Variants in ARHGAP11A observed in about 807,000 individuals in gnomAD.
ARHGAP11A encodes Rho GTPase activating protein 11A.
In ARHGAP11A, 36 loss-of-function variants were observed where a neutral mutation model predicts 60.5. The observed-to-expected ratio is 0.59, with a 90% CI of 0.46 to 0.79. ARHGAP11A has a LOEUF of 0.79. Among genes scored for constraint, ARHGAP11A ranks in the 30% least tolerant of loss-of-function variants. The pLI, the probability that ARHGAP11A is intolerant of heterozygous loss-of-function variation, is 0.00. For synonymous variants in ARHGAP11A, 362 were observed against 415.5 expected, an observed-to-expected ratio of 0.87 and a Z score of 1.57; for missense variants, 1,071 against 1,199.2, an observed-to-expected ratio of 0.89 and a Z score of 1.58.
Position 32,636,558 on chromosome 15 carries a change from T to G in ARHGAP11A, c.1785T>G (p.Thr595=). ...ATGAAAATAACATGACCAAAGAGAC[T>G]TTGGTGAAAGTTCAAAAAGCGTTTT... The part of the protein sequence containing the change: ...SGDENNMTKE[T]LVKVQKAFSE... The change falls in exon 12 of 12, where the codon ACT becomes ACG. Residue 595 remains threonine, a synonymous_variant. Transcript: ENST00000361627. The G allele has an allele frequency of 1.2e-6, 2 of 1,614,052 alleles. No individual in the cohort carries two copies. Among genetic ancestry groups the G allele is most frequent in the Non-Finnish European group, 1.7e-6 (2 of 1,179,960 alleles).
rs554847295 is a variant in ARHGAP11A, at chr15:32,638,384, C to T, written c.*539C>T. The T allele has an allele frequency of 6.6e-6, 1 of 152,316 alleles. No individual in the cohort carries two copies. Among genetic ancestry groups the T allele is most frequent in the African/African-American group, 2.4e-5 (1 of 41,550 alleles). The allele number at this position is 152,316 out of a possible 1,614,324, so 9.4% of individuals were successfully genotyped here. A position where few individuals can be genotyped will look rare whatever the true frequency, so the allele number is the denominator to read the frequency against. The stretch of plus-strand genomic sequence containing the variant: ...CCACGCCCGGCTAGACTTTACCTTT[C>T]TAAAGAAATTGTTTACTGGATTTAT... On this transcript the variant is annotated 3_prime_UTR_variant, in exon 12 of 12. Coordinates refer to ENST00000361627, the MANE Select transcript of ARHGAP11A (RefSeq NM_014783.6).
chr15:32,632,872 G>T, intron 8 of ARHGAP11A, 107 bp from the exon 9 acceptor site: 3 of 1,052,056 alleles, frequency 2.9e-6, no homozygotes, highest in Non-Finnish European at 4.0e-6. Flanking sequence ...TTCGGTTGTT[G>T]CTTGGGATAG....
rs376208322 is a variant in ARHGAP11A at position 32,629,941 on chromosome 15, AGTGTGT to A, written c.1105+208_1105+213del. The stretch of plus-strand genomic sequence containing the variant: ...TTTAAAATAGACACTGTTTCAATAT[AGTGTGT>A]GTGTGTGTGTGTGTGTGTGTGTGTG... On this transcript the variant is annotated intron_variant, in intron 8 of 11. Coordinates refer to ENST00000361627, the MANE Select transcript of ARHGAP11A (RefSeq NM_014783.6). 9.9e-4 allele frequency among the ~76,000 whole-genome samples: 101 copies of A among 101,714 alleles called. 3 individuals carry two copies. The highest frequency in any genetic ancestry group is 3.5e-3 in the African/African-American group (79 of 22,332). 66.7% of individuals were successfully genotyped at this position (101,714 alleles called of 152,430 possible).
At chr15:32,634,944 T>G (rs2053671609) in intron 10 of ARHGAP11A, among the ~76,000 whole-genome samples, 1 of 152,252 alleles carries the variant, frequency 6.6e-6, no homozygotes, top group African/African-American at 2.4e-5. Context: ...TCTAGTAAAC[T>G]CCTGTTAATA....
At chr15:32,629,858 G>C (rs2053550254) in intron 8 of ARHGAP11A, 96 bp downstream of exon 8, 1 of 776,328 alleles carries the variant, frequency 1.3e-6, no homozygotes, top group Non-Finnish European at 2.0e-6. Context: ...CCACCCTTAG[G>C]AACTAGAACT....
chr15:32,625,376 C>T, intron 5 of ARHGAP11A, 111 bp from the exon 6 acceptor site: 3 of 1,478,092 alleles, frequency 2.0e-6, no homozygotes, highest in Non-Finnish European at 2.7e-6. Context: ...CAGTACCGGC[C>T]CCTCCTGCAA....
rs1484157335 is a variant in ARHGAP11A at position 32,636,368 on chromosome 15, T to G, written c.1595T>G (p.Val532Gly). 5 of 1,614,008 alleles carry G rather than the reference T, an allele frequency of 3.1e-6. No homozygotes were observed. Among genetic ancestry groups the G allele is most frequent in the Non-Finnish European group, 3.4e-6 (4 of 1,179,998 alleles). ...TGPNNSSFQE[V>G]DANEASSMVE... ...CCTAATAATTCAAGTTTTCAAGAAG[T>G]AGATGCAAATGAAGCTTCTTCAATG... Residue 532 changes from valine to glycine, a missense_variant, in exon 12 of 12, where the codon GTA (valine) becomes GGA (glycine). Physicochemically the swap from Val to Gly is moderately radical, Grantham distance 109 (BLOSUM62 -3). Around this residue, in one of 4 missense-constraint regions of ARHGAP11A, gnomAD observed 776 missense variants for 760.2 expected, o/e 1.02. Transcript: ENST00000361627.
At chr15:32,621,821 C>CAAAAAAAAAAAAAA (rs376053100) in intron 2 of ARHGAP11A, among the ~76,000 whole-genome samples, 10 of 120,938 alleles carry the variant, frequency 8.3e-5, no homozygotes, top group South Asian at 2.7e-4. Context: ...GACTCCGTCT[C>CAAAAAAAAAAAAAA]AAAAAAAAAA....
chr15:32,618,536 A>AATTATTTAAT lies in ARHGAP11A; in HGVS notation c.130-1569_130-1568insATTTAATATT, dbSNP rs1402105196. Among the ~76,000 whole-genome samples the AATTATTTAAT allele has an allele frequency of 2.0e-5, 3 of 152,210 alleles. No individual in the cohort carries two copies. In the East Asian group the frequency reaches 5.8e-4, roughly 29 times the overall value. ...GTGTTTTGTATGTTTTAATTTATTT[A>AATTATTTAAT]ATTCTTCCTACACCTCTATGACTTA... is the stretch of plus-strand genomic sequence containing the variant. On this transcript the variant is annotated intron_variant, in intron 1 of 11. Coordinates refer to ENST00000361627, the MANE Select transcript of ARHGAP11A (RefSeq NM_014783.6).
rs139443013 is a variant in ARHGAP11A at position 32,635,880 on chromosome 15, T to A, written c.1448T>A (p.Phe483Tyr). ...GAATCTGTAAAAACAGGTTTGCTTT[T>A]TAGCCCAGATGTTGATGAAAAGTTA... ...RIESVKTGLL[F>Y]SPDVDEKLPK... Residue 483 changes from phenylalanine to tyrosine, a missense_variant, in exon 11 of 12, where the codon TTT (phenylalanine) becomes TAT (tyrosine). Coordinates refer to ENST00000361627, the MANE Select transcript of ARHGAP11A (RefSeq NM_014783.6). The A allele has an allele frequency of 1.8e-5, 29 of 1,611,106 alleles. No individual in the cohort carries two copies. In the African/African-American group the frequency reaches 3.3e-4, roughly 19 times the overall value.
chr15:32,636,775 T>C lies in ARHGAP11A; in HGVS notation c.2002T>C (p.Cys668Arg). Residue 668 changes from cysteine (C) to arginine (R), a missense_variant, in exon 12 of 12, where the codon TGT (cysteine) becomes CGT (arginine). Physicochemically the swap from Cys to Arg is radical, Grantham distance 180 (BLOSUM62 -3). This residue lies in a region of ARHGAP11A where 776 missense variants were observed against 760.2 expected (regional missense o/e 1.02). Coordinates refer to ENST00000361627, the MANE Select transcript of ARHGAP11A (RefSeq NM_014783.6). ...YEHHTGKGEK[C>R]FSERDFSPLQ... ...ACACCACACTGGTAAAGGTGAAAAA[T>C]GTTTTTCAGAGAGGGACTTTTCACC... The C allele has an allele frequency of 1.2e-6, 2 of 1,611,706 alleles. No homozygotes were observed. The highest frequency in any genetic ancestry group is 8.5e-7 in the Non-Finnish European group (1 of 1,179,514).
chr15:32,625,515 G>A lies in ARHGAP11A; in HGVS notation c.744G>A (p.Lys248=), dbSNP rs755978038. The A allele has an allele frequency of 1.2e-6, 2 of 1,613,918 alleles. No homozygotes were observed. The highest frequency in any genetic ancestry group is 1.7e-6 in the Non-Finnish European group (2 of 1,179,838). The change falls in exon 6 of 12, where the codon AAG becomes AAA. Residue 248 remains lysine, a synonymous_variant. Transcript: ENST00000361627. The stretch of plus-strand genomic sequence containing the variant: ...GTGTACCAGATTTTATCCTGGAAAA[G>A]ATACCAGCCATGTTGGGTATTGATG... The part of the protein sequence containing the change: ...IGRVPDFILE[K]IPAMLGIDGL...
At chr15:32,627,636 G>A (rs2053495484) in intron 6 of ARHGAP11A, among the ~76,000 whole-genome samples, 1 of 152,046 alleles carries the variant, frequency 6.6e-6, no homozygotes, top group Non-Finnish European at 1.5e-5. Context: ...GGCTGAGGCA[G>A]GAGAATGGTG....
intron 6 of ARHGAP11A, among the ~76,000 whole-genome samples, chr15:32,627,773 C>G (rs1284728620): frequency 6.6e-6 from 1 of 151,292 alleles, no homozygotes; most frequent in African/African-American, 2.4e-5. Flanking sequence ...TTTATGCCTC[C>G]TCCTTGAATC....
At chr15:32,627,332 A>C (rs2053482532) in intron 6 of ARHGAP11A, among the ~76,000 whole-genome samples, 1 of 151,958 alleles carries the variant, frequency 6.6e-6, no homozygotes, top group Non-Finnish European at 1.5e-5. Context: ...CTAGATACTC[A>C]GGCTTTAACC....
At chr15:32,619,951 A>C (rs2053254323) in intron 1 of ARHGAP11A, among the ~76,000 whole-genome samples, 157 bp from the exon 2 acceptor site, 1 of 152,176 alleles carries the variant, frequency 6.6e-6, no homozygotes, top group East Asian at 1.9e-4. Context: ...ATTTGTTATC[A>C]AATGCACTTG....
In ARHGAP11A at chr15:32,637,494, A is replaced by G. The variant is rs751931367; in HGVS notation, c.2721A>G (p.Ser907=). ...GTCCTAAAGAACAGAAGTCCATGTCATGTGAAGAGTCAAATATTGGTGCAA... is the reference window on the plus strand; with the variant it reads ...GTCCTAAAGAACAGAAGTCCATGTCGTGTGAAGAGTCAAATATTGGTGCAA... ...KSGPKEQKSM[S]CEESNIGAIS... is the part of the protein sequence containing the mutation. The change falls in exon 12 of 12, where the codon TCA becomes TCG. Residue 907 remains serine (S), a synonymous_variant. Transcript: ENST00000361627. 21 of 1,613,884 alleles carry G rather than the reference A, an allele frequency of 1.3e-5. No individual in the cohort carries two copies. In the East Asian group the frequency reaches 1.3e-4, roughly 10 times the overall value.
chr15:32,632,903 A>G (rs1310322249), intron 8 of ARHGAP11A, 76 bp from the exon 9 acceptor site: 3 of 1,286,990 alleles, frequency 2.3e-6, no homozygotes, highest in South Asian at 3.9e-5. Flanking sequence ...TTTGAATCTA[A>G]TTGCTGCTAT....
At chr15:32,628,247 T>TA (rs1441584183) in intron 6 of ARHGAP11A, among the ~76,000 whole-genome samples, 41 of 152,388 alleles carry the variant, frequency 2.7e-4, no homozygotes, top group African/African-American at 9.6e-4. Context: ...ACCTGTCTAC[T>TA]ATTTCCTGTC....
Sources: allele counts gnomAD v4.1 joint callset (sites outside exome capture counted in the v4.1 genomes callset), GRCh38; gene constraint gnomAD v4.1.1; regional missense constraint gnomAD v4.1.1; transcripts MANE v1.5; gene names NCBI Gene and HGNC (gene_info 2026-07-23, HGNC 2026-07-21).